The following GPBP1 variants were observed in gnomAD, a reference collection of about 807,000 sequenced individuals.
GPBP1 encodes vasculin.
GPBP1 carries 13 observed loss-of-function variants against 56.5 expected under a neutral mutation model. The observed-to-expected ratio is 0.23, with a 90% CI of 0.15 to 0.37. The LOEUF is 0.37. GPBP1 is among the 10% of genes least tolerant of loss of function. The pLI, the probability that GPBP1 is intolerant of heterozygous loss-of-function variation, is 1.00. For synonymous variants in GPBP1, 204 were observed against 188.9 expected (o/e 1.08, Z -0.66); for missense variants, 477 against 572.3 (o/e 0.83, Z 1.70).
At chr5:57,254,492 C>G (rs567941291) in intron 10 of GPBP1, among the ~76,000 whole-genome samples, 9 of 152,116 alleles carry the variant, frequency 5.9e-5, no homozygotes, top group Admixed American at 5.2e-4. Flanking sequence ...GTCAGGAATT[C>G]AAGACCAGCC....
At chr5:57,236,646 T>A (rs1291894330) in intron 6 of GPBP1, among the ~76,000 whole-genome samples, 1 of 148,234 alleles carries the variant, frequency 6.7e-6, no homozygotes, top group East Asian at 1.9e-4. Context: ...TTGTTAGCAT[T>A]TTACAGAAGA....
chr5:57,254,258 C>T (rs1249651088), intron 10 of GPBP1, among the ~76,000 whole-genome samples: 2 of 152,182 alleles, frequency 1.3e-5, no homozygotes, highest in African/African-American at 4.8e-5. Flanking sequence ...TAGATTGCTC[C>T]TTCAGAATAA....
rs1019316653 is a variant in GPBP1 at position 57,176,356 on chromosome 5, A to G, written c.-102A>G. 1 of 204,694 alleles carries G rather than the reference A, an allele frequency of 4.9e-6. No individual in the cohort carries two copies. The highest frequency in any genetic ancestry group is 9.7e-6 in the Non-Finnish European group (1 of 103,442). The allele number at this position is 204,694 out of a possible 1,614,324, so 12.7% of individuals were successfully genotyped here. A position where few individuals can be genotyped will look rare whatever the true frequency, so the allele number is the denominator to read the frequency against. On this transcript the variant is annotated 5_prime_UTR_variant, in exon 2 of 12. Coordinates refer to ENST00000506184, the MANE Select transcript of GPBP1 (RefSeq NM_022913.4). ...AAATACAAACTGGAAAATAAAGATTACAGAGAAAAAACCAACACCTTCCTG... is the reference window on the plus strand; with the variant it reads ...AAATACAAACTGGAAAATAAAGATTGCAGAGAAAAAACCAACACCTTCCTG...
intron 5 of GPBP1, among the ~76,000 whole-genome samples, chr5:57,233,131 C>T (rs1260383518): frequency 2.0e-5 from 3 of 152,042 alleles, no homozygotes; most frequent in Non-Finnish European, 4.4e-5. Context: ...AAAGAGAATA[C>T]TTCAGGAGAA....
intron 2 of GPBP1, 146 bp from the exon 3 acceptor site, chr5:57,213,928 A>AT (rs1232669991): frequency 3.9e-6 from 2 of 509,138 alleles, no homozygotes; most frequent in East Asian, 6.6e-5. Flanking sequence ...AAGTTGATCT[A>AT]TTTTCTATCT....
Position 57,262,886 on chromosome 5 carries a change from A to G in GPBP1, c.*134A>G, listed in dbSNP as rs1054614765. 5 of 692,916 alleles carry G rather than the reference A, an allele frequency of 7.2e-6. No homozygotes were observed. Among genetic ancestry groups the G allele is most frequent in the South Asian group, 2.1e-5 (1 of 47,890 alleles). The allele number at this position is 692,916 out of a possible 1,614,324, so 42.9% of individuals were successfully genotyped here. On this transcript the variant is annotated 3_prime_UTR_variant, in exon 12 of 12. Coordinates refer to ENST00000506184, the MANE Select transcript of GPBP1 (RefSeq NM_022913.4). ...GAAGAGGATTTTTTGGGGGACTTCA[A>G]TATGAAGAAAACCAAGAATGTTTTG...
intron 2 of GPBP1, 107 bp from the exon 3 acceptor site, chr5:57,213,967 T>C: frequency 3.5e-6 from 2 of 569,336 alleles, no homozygotes. Flanking sequence ...TAGATTTTCA[T>C]TATAAATAGA....
intron 6 of GPBP1, among the ~76,000 whole-genome samples, chr5:57,241,461 C>G (rs1740822332): frequency 6.6e-6 from 1 of 152,060 alleles, no homozygotes. Context: ...ATTGGTGGTC[C>G]AGGCCTGTAA....
At chr5:57,219,787 T>A (rs932791671) in intron 3 of GPBP1, among the ~76,000 whole-genome samples, 1 of 152,082 alleles carries the variant, frequency 6.6e-6, no homozygotes, top group Non-Finnish European at 1.5e-5. Context: ...GTGCGGTGGC[T>A]CATGCCTGTA....
chr5:57,193,177 C>T (rs1429118277), intron 2 of GPBP1, among the ~76,000 whole-genome samples: 1 of 152,006 alleles, frequency 6.6e-6, no homozygotes, highest in African/African-American at 2.4e-5. Context: ...ATTAGCTGGG[C>T]ATGGTGGTGG....
intron 2 of GPBP1, among the ~76,000 whole-genome samples, chr5:57,210,238 T>C (rs781479174): frequency 6.6e-6 from 1 of 152,216 alleles, no homozygotes; most frequent in Non-Finnish European, 1.5e-5. Context: ...GATGTACACT[T>C]AGGTTTTATT....
chr5:57,237,110 C>T (rs1351358703), intron 6 of GPBP1: 1 of 1,544,560 alleles, frequency 6.5e-7, no homozygotes, highest in Non-Finnish European at 8.8e-7. Flanking sequence ...CCACTCTCCC[C>T]AGGCCTACAC....
rs542895356 is a variant in GPBP1 at position 57,180,325 on chromosome 5, A to G, written c.-58+3925A>G. Reference sequence around the variant, plus strand: ...GAGATGGGGTTTTGTCATGTTGGCCAGGCTGGTCTCGAACTCCTGACCTCA... The same window carrying G: ...GAGATGGGGTTTTGTCATGTTGGCCGGGCTGGTCTCGAACTCCTGACCTCA... On this transcript the variant is annotated intron_variant, in intron 2 of 11. Transcript: ENST00000506184. Among the ~76,000 whole-genome samples, 485 of 152,224 alleles carry G rather than the reference A, an allele frequency of 3.2e-3. 4 individuals carry two copies. Among genetic ancestry groups the G allele is most frequent in the African/African-American group, 0.011 (463 of 41,558 alleles).
At chr5:57,221,468 C>A in intron 3 of GPBP1, 1 of 918,320 alleles carries the variant, frequency 1.1e-6, no homozygotes, top group Admixed American at 2.4e-5. Flanking sequence ...ATTTGTTATG[C>A]TAGGAAGGAT....
At chr5:57,181,605 G>T (rs78058786) in intron 2 of GPBP1, among the ~76,000 whole-genome samples, 46 of 150,558 alleles carry the variant, frequency 3.1e-4, no homozygotes, top group African/African-American at 1.1e-3. Context: ...AAAAAAAGGT[G>T]GGGGGGCGGT....
intron 10 of GPBP1, among the ~76,000 whole-genome samples, chr5:57,252,394 T>C (rs112889981): frequency 1.5e-3 from 226 of 152,162 alleles, no homozygotes; most frequent in African/African-American, 5.0e-3. Flanking sequence ...TGTCCCAATA[T>C]GTGATTTATT....
chr5:57,240,095 T>C (rs552814356), intron 6 of GPBP1, among the ~76,000 whole-genome samples: 1 of 151,894 alleles, frequency 6.6e-6, no homozygotes, highest in African/African-American at 2.4e-5. Flanking sequence ...AAATAAAAAA[T>C]AAAAAATTAA....
intron 2 of GPBP1, among the ~76,000 whole-genome samples, chr5:57,184,721 C>T (rs74647630): frequency 1.2e-3 from 189 of 152,264 alleles, no homozygotes; most frequent in African/African-American, 4.4e-3. Context: ...TGTGTAACTG[C>T]AGAATCAGAA....
At chr5:57,232,950 T>G (rs936930453) in intron 5 of GPBP1, among the ~76,000 whole-genome samples, 2 of 152,164 alleles carry the variant, frequency 1.3e-5, no homozygotes, top group African/African-American at 4.8e-5. Flanking sequence ...AGTTTAGTAT[T>G]AGACAAGGTT....
Sources: allele counts gnomAD v4.1 joint callset (sites outside exome capture counted in the v4.1 genomes callset), GRCh38; gene constraint gnomAD v4.1.1; transcripts MANE v1.5; gene names NCBI Gene and HGNC (gene_info 2026-07-23, HGNC 2026-07-21).